The following UIMC1 variants were observed in gnomAD, a reference collection of about 807,000 sequenced individuals.
UIMC1 encodes the protein ubiquitin interaction motif containing 1, also known as BRCA1-A complex subunit RAP80.
A neutral mutation model predicts 84.9 loss-of-function variants in UIMC1; 42 were observed. That is an observed-to-expected ratio of 0.49 (90% CI 0.39 to 0.64). UIMC1 has a LOEUF of 0.64. Ranked by LOEUF, UIMC1 falls within the 30% of genes least tolerant of loss-of-function variation. The probability of loss-of-function intolerance (pLI) is 0.00; values close to 1 mark genes in which losing one functional copy is unlikely to be tolerated. For synonymous variants in UIMC1, 281 were observed against 293.0 expected (o/e 0.96, Z 0.42); for missense variants, 825 against 847.6 (o/e 0.97, Z 0.33).
Position 176,969,205 on chromosome 5 carries a change from C to A in UIMC1, c.550G>T (p.Asp184Tyr). ...NEAEEREEPW[D>Y]HTEKTEEEPV... ...TCCTCTTCAGTTTTTTCAGTGTGGT[C>A]CCAAGGCTCCTCTCTTTCCTCAGCC... The change falls in exon 6 of 15, where the codon GAC (aspartate) becomes TAC (tyrosine). Residue 184 changes from aspartate (D) to tyrosine (Y), a missense_variant. Transcript: ENST00000511320. The A allele has an allele frequency of 6.2e-7, 1 of 1,614,186 alleles. No individual in the cohort carries two copies. Among genetic ancestry groups the A allele is most frequent in the Non-Finnish European group, 8.5e-7 (1 of 1,180,034 alleles).
intron 1 of UIMC1, among the ~76,000 whole-genome samples, chr5:176,991,038 C>T (rs981420961): frequency 1.3e-5 from 2 of 151,704 alleles, no homozygotes; most frequent in Non-Finnish European, 2.9e-5. Context: ...GACAGAGTCT[C>T]GCTCTTTCGC....
At chr5:176,993,688 A>T (rs1773199594) in intron 1 of UIMC1, among the ~76,000 whole-genome samples, 1 of 152,090 alleles carries the variant, frequency 6.6e-6, no homozygotes, top group South Asian at 2.1e-4. Flanking sequence ...ATGAATACTA[A>T]TGTATGTATT....
chr5:176,939,888 G>A (rs940848577), intron 10 of UIMC1, among the ~76,000 whole-genome samples: 4 of 152,148 alleles, frequency 2.6e-5, no homozygotes, highest in Non-Finnish European at 4.4e-5. Context: ...ATATGATGCC[G>A]AGAATACAGG....
intron 3 of UIMC1, among the ~76,000 whole-genome samples, chr5:176,972,660 C>T (rs1412401774): frequency 3.9e-5 from 6 of 152,096 alleles, no homozygotes; most frequent in East Asian, 2.0e-4. Context: ...CGCTTAAACC[C>T]GGGAGGCGGA....
chr5:176,964,336 T>C (rs1270479760), intron 6 of UIMC1, among the ~76,000 whole-genome samples: 1 of 152,260 alleles, frequency 6.6e-6, no homozygotes, highest in Non-Finnish European at 1.5e-5. Flanking sequence ...TTCAGTGAAC[T>C]AGATATTCTC....
intron 10 of UIMC1, among the ~76,000 whole-genome samples, chr5:176,926,059 A>G (rs1448291368): frequency 6.6e-6 from 1 of 152,224 alleles, no homozygotes; most frequent in East Asian, 1.9e-4. Flanking sequence ...AAGTAATAAG[A>G]TTCTTCTAAC....
At chr5:176,947,556 C>T (rs1765288468) in intron 9 of UIMC1, among the ~76,000 whole-genome samples, 1 of 152,142 alleles carries the variant, frequency 6.6e-6, no homozygotes, top group Non-Finnish European at 1.5e-5. Flanking sequence ...CGGTGGCTCA[C>T]GCCTGTAATC....
At chr5:177,012,260 C>G (rs1419950527) in intron 1 of UIMC1, among the ~76,000 whole-genome samples, 2 of 152,208 alleles carry the variant, frequency 1.3e-5, no homozygotes, top group Admixed American at 1.3e-4. Context: ...ATCTTCCCCT[C>G]AAAATCTGTA....
At chr5:176,931,226 C>G (rs1419472302) in intron 10 of UIMC1, among the ~76,000 whole-genome samples, 3 of 152,044 alleles carry the variant, frequency 2.0e-5, no homozygotes, top group Admixed American at 1.3e-4. Context: ...GATCACTGAT[C>G]TAGTATTAAT....
chr5:176,920,134 G>A (rs1277275277), intron 10 of UIMC1, among the ~76,000 whole-genome samples: 2 of 152,144 alleles, frequency 1.3e-5, no homozygotes, highest in Non-Finnish European at 2.9e-5. Flanking sequence ...TGATTCTCCT[G>A]CCTCAGCCTC....
intron 6 of UIMC1, among the ~76,000 whole-genome samples, chr5:176,966,804 A>G (rs969765800): frequency 5.3e-5 from 8 of 150,740 alleles, no homozygotes; most frequent in Non-Finnish European, 1.2e-4. Context: ...TCCATACTTC[A>G]TATCACAAAG....
chr5:176,986,762 C>CA (rs975535643), intron 1 of UIMC1, among the ~76,000 whole-genome samples: 20 of 151,312 alleles, frequency 1.3e-4, no homozygotes, highest in East Asian at 9.7e-4. Flanking sequence ...GGTTCTATCT[C>CA]AAAAAAAACA....
intron 1 of UIMC1, among the ~76,000 whole-genome samples, chr5:176,990,488 T>A (rs1377170509): frequency 1.3e-5 from 2 of 152,126 alleles, no homozygotes; most frequent in Non-Finnish European, 2.9e-5. Flanking sequence ...TAAAAACCTA[T>A]CAAGTTACCA....
intron 10 of UIMC1, among the ~76,000 whole-genome samples, chr5:176,937,262 C>T (rs983024753): frequency 6.6e-6 from 1 of 152,088 alleles, no homozygotes; most frequent in Non-Finnish European, 1.5e-5. Flanking sequence ...TTAGGGAGGC[C>T]GAGGTGGGCA....
At chr5:176,995,280 G>A (rs1258638638) in intron 1 of UIMC1, among the ~76,000 whole-genome samples, 1 of 151,980 alleles carries the variant, frequency 6.6e-6, no homozygotes, top group Non-Finnish European at 1.5e-5. Flanking sequence ...TGGGCATGGT[G>A]GCTCACACTT....
chr5:176,979,908 A>C (rs1770755117), intron 2 of UIMC1, among the ~76,000 whole-genome samples: 1 of 152,260 alleles, frequency 6.6e-6, no homozygotes, highest in East Asian at 1.9e-4. Context: ...AGGAGATTAG[A>C]GTGTCAGTCT....
chr5:176,982,732 C>CTTT, intron 1 of UIMC1, 109 bp from the exon 2 acceptor site: 1 of 1,289,732 alleles, frequency 7.8e-7, no homozygotes, highest in Non-Finnish European at 1.0e-6. Context: ...GATGGTCTCG[C>CTTT]TTTGTTGCCC....
intron 10 of UIMC1, among the ~76,000 whole-genome samples, chr5:176,913,561 T>A (rs1033322141): frequency 6.6e-6 from 1 of 152,226 alleles, no homozygotes; most frequent in Admixed American, 6.5e-5. Context: ...CCATGTGGAC[T>A]CATACTCTAC....
At chr5:176,906,389 G>A (rs576740249) in intron 13 of UIMC1, among the ~76,000 whole-genome samples, 3 of 152,346 alleles carry the variant, frequency 2.0e-5, no homozygotes, top group Non-Finnish European at 4.4e-5. Context: ...GGGAGAGGCT[G>A]CCTTTTTATA....
Sources: gnomAD v4.1 joint callset for allele counts (sites outside exome capture counted in the v4.1 genomes callset) on GRCh38, gnomAD v4.1.1 for gene constraint, MANE v1.5 for transcripts, NCBI Gene and HGNC (gene_info 2026-07-23, HGNC 2026-07-21) for gene names.